The following CD247 variants were observed in gnomAD, a reference collection of about 807,000 sequenced individuals.
The protein encoded by CD247 is CD247 molecule, also known as T-cell surface glycoprotein CD3 zeta chain.
In CD247, 13 loss-of-function variants were observed where a neutral mutation model predicts 30.0. The ratio of observed to expected loss-of-function variants is 0.43; its 90% CI spans 0.28 to 0.69. CD247 has a LOEUF of 0.69. Ranked by LOEUF, CD247 falls within the 30% of genes least tolerant of loss-of-function variation. The pLI, the probability that CD247 is intolerant of heterozygous loss-of-function variation, is 0.16. For missense variants in CD247, 193 were observed against 212.6 expected, an observed-to-expected ratio of 0.91 and a Z score of 0.57; for synonymous variants, 72 against 80.0, an observed-to-expected ratio of 0.90 and a Z score of 0.53.
At chr1:167,498,424 A>G (rs192110928) in intron 1 of CD247, among the ~76,000 whole-genome samples, 135 of 152,354 alleles carry the variant, frequency 8.9e-4, no homozygotes, top group African/African-American at 3.2e-3. Flanking sequence ...AGGGACTGTC[A>G]AAAGAGTCTT....
At chr1:167,489,129 G>A (rs1654334016) in intron 1 of CD247, among the ~76,000 whole-genome samples, 1 of 152,162 alleles carries the variant, frequency 6.6e-6, no homozygotes. Context: ...AATTTCCCAA[G>A]AGGGAAGTGT....
intron 1 of CD247, among the ~76,000 whole-genome samples, chr1:167,489,951 A>AG (rs2102076368): frequency 6.6e-6 from 1 of 152,300 alleles, no homozygotes; most frequent in Admixed American, 6.5e-5. Flanking sequence ...AGCCAGGCCC[A>AG]GGGAGGAAGC....
At chr1:167,479,901 C>G (rs1391825987) in intron 1 of CD247, among the ~76,000 whole-genome samples, 2 of 152,216 alleles carry the variant, frequency 1.3e-5, no homozygotes, top group Admixed American at 6.5e-5. Flanking sequence ...TCGTGCCTCT[C>G]CCCTTTGGCA....
At chr1:167,480,482 A>G (rs148810939) in intron 1 of CD247, among the ~76,000 whole-genome samples, 135 of 152,280 alleles carry the variant, frequency 8.9e-4, no homozygotes, top group African/African-American at 3.1e-3. Context: ...CTGCTCAACC[A>G]GCCTAGGAGC....
intron 1 of CD247, among the ~76,000 whole-genome samples, chr1:167,445,274 G>A (rs1652027900): frequency 6.6e-6 from 1 of 152,018 alleles, no homozygotes; most frequent in Admixed American, 6.6e-5. Context: ...TAATTCTTAT[G>A]GGGTGAAGGA....
At chr1:167,461,164 A>G (rs1045524955) in intron 1 of CD247, among the ~76,000 whole-genome samples, 1 of 152,144 alleles carries the variant, frequency 6.6e-6, no homozygotes, top group African/African-American at 2.4e-5. Context: ...GCTTTCTCCC[A>G]TGGGAGGGAG....
Position 167,430,975 on chromosome 1 carries a change from G to C in CD247, c.*706C>G, listed in dbSNP as rs1176469430. 1 of 401,486 alleles carries C rather than the reference G, an allele frequency of 2.5e-6. No homozygotes were observed. The highest frequency in any genetic ancestry group is 4.4e-6 in the Non-Finnish European group (1 of 227,838). The allele number at this position is 401,486 out of a possible 1,614,324, so 24.9% of individuals were successfully genotyped here. A position where few individuals can be genotyped will look rare whatever the true frequency, so the allele number is the denominator to read the frequency against. On this transcript the variant is annotated 3_prime_UTR_variant, in exon 8 of 8. Transcript: ENST00000362089. ...CCACATGTTTTTTATGCCACTTTGT[G>C]CACAGCTCATCAAGGTCAGTCTGTT...
chr1:167,440,888 T>C (rs1651792944), intron 1 of CD247, 121 bp from the exon 2 acceptor site: 1 of 709,434 alleles, frequency 1.4e-6, no homozygotes, highest in African/African-American at 1.7e-5. Context: ...CTATATCCAA[T>C]CCCCATGCCT....
At chr1:167,463,316 A>C (rs896049317) in intron 1 of CD247, among the ~76,000 whole-genome samples, 2 of 152,174 alleles carry the variant, frequency 1.3e-5, no homozygotes, top group African/African-American at 2.4e-5. Context: ...CCACGATTAC[A>C]TTGGCTGTCC....
At chr1:167,436,422 T>G (rs1266992603) in intron 4 of CD247, among the ~76,000 whole-genome samples, 1 of 152,166 alleles carries the variant, frequency 6.6e-6, no homozygotes, top group Admixed American at 6.5e-5. Flanking sequence ...AAGACAAAGA[T>G]GCCCACACTC....
chr1:167,488,793 G>A (rs1200515833), intron 1 of CD247, among the ~76,000 whole-genome samples: 3 of 152,226 alleles, frequency 2.0e-5, no homozygotes, highest in Non-Finnish European at 4.4e-5. Context: ...AGCCCAACAA[G>A]TATTTCCCTT....
intron 1 of CD247, among the ~76,000 whole-genome samples, chr1:167,468,593 T>C (rs1389144734): frequency 6.6e-6 from 1 of 152,216 alleles, no homozygotes; most frequent in Non-Finnish European, 1.5e-5. Context: ...GTCTTCTTCC[T>C]TCAGTTACAG....
intron 6 of CD247, among the ~76,000 whole-genome samples, chr1:167,433,653 A>G (rs977097236): frequency 1.3e-5 from 2 of 152,218 alleles, no homozygotes; most frequent in African/African-American, 2.4e-5. Context: ...TTAATTGTTG[A>G]TGAACAATTC....
intron 1 of CD247, among the ~76,000 whole-genome samples, chr1:167,470,518 A>AAG (rs1396212795): frequency 1.3e-5 from 2 of 150,620 alleles, no homozygotes; most frequent in African/African-American, 4.8e-5. Context: ...AAAAAAAAAA[A>AAG]AAAAAAAAAG....
intron 4 of CD247, among the ~76,000 whole-genome samples, chr1:167,436,103 A>G (rs931474968): frequency 6.6e-6 from 1 of 152,204 alleles, no homozygotes; most frequent in Non-Finnish European, 1.5e-5. Context: ...CAACACATTA[A>G]AAGGATCATT....
At chr1:167,463,263 T>G (rs1173358998) in intron 1 of CD247, among the ~76,000 whole-genome samples, 1 of 152,180 alleles carries the variant, frequency 6.6e-6, no homozygotes, top group East Asian at 1.9e-4. Flanking sequence ...CAAGCCTTTC[T>G]TAGTCTCCAG....
intron 1 of CD247, among the ~76,000 whole-genome samples, chr1:167,441,940 A>T (rs1651850677): frequency 6.6e-6 from 1 of 152,122 alleles, no homozygotes; most frequent in South Asian, 2.1e-4. Flanking sequence ...GTGAAACCCC[A>T]TCTCTACTAA....
intron 1 of CD247, among the ~76,000 whole-genome samples, chr1:167,453,367 G>C (rs896696359): frequency 1.3e-5 from 2 of 152,174 alleles, no homozygotes; most frequent in African/African-American, 2.4e-5. Context: ...GCCAGGTCTT[G>C]CCGGGCCTTT....
intron 1 of CD247, among the ~76,000 whole-genome samples, chr1:167,492,765 G>C (rs1316232693): frequency 6.6e-6 from 1 of 152,158 alleles, no homozygotes; most frequent in East Asian, 1.9e-4. Flanking sequence ...AGGTGTGTGG[G>C]AGGAAGGCTG....
Sources: gnomAD v4.1 joint callset for allele counts (sites outside exome capture counted in the v4.1 genomes callset) on GRCh38, gnomAD v4.1.1 for gene constraint, MANE v1.5 for transcripts, NCBI Gene and HGNC (gene_info 2026-07-23, HGNC 2026-07-21) for gene names.